TENM3: variants seen among roughly 807,000 people sequenced by gnomAD.
TENM3 encodes the protein teneurin transmembrane protein 3.
In TENM3, 63 loss-of-function variants were observed where a neutral mutation model predicts 255.1. The ratio of observed to expected loss-of-function variants is 0.25; its 90% CI spans 0.20 to 0.30. The LOEUF (loss-of-function observed/expected upper bound fraction) is 0.30, where lower values mean the gene tolerates loss of function less well. TENM3 is among the 10% of genes least tolerant of loss of function. The pLI is 1.00. For synonymous variants in TENM3, 1,306 were observed against 1,322.3 expected (o/e 0.99, Z 0.27); for missense variants, 2,929 against 3,461.1 (o/e 0.85, Z 3.86).
rs115684121 is a variant in TENM3, at chr4:182,792,127, G to A, written c.5602-147G>A. ...ATCCAAGCAAATTAGGCAGAGAAAC[G>A]TTAACAACACGCAAGGTCAAGGATA... On this transcript the variant is annotated intron_variant, in intron 25 of 27. Coordinates refer to ENST00000511685, the MANE Select transcript of TENM3 (RefSeq NM_001080477.4). The surrounding 1 kb of genome is among the most constrained non-coding windows in gnomAD (Gnocchi z 6.3). The A allele has an allele frequency of 4.2e-4, 334 of 789,082 alleles. 2 individuals carry two copies. The African/African-American group carries it at 5.2e-3, about 12-fold the overall frequency. The allele number at this position is 789,082 out of a possible 1,614,324, so 48.9% of individuals were successfully genotyped here.
At chr4:182,062,787 A>G in the TENM3 span, among the ~76,000 whole-genome samples, 1 of 152,242 alleles carries the variant, frequency 6.6e-6, no homozygotes, top group Non-Finnish European at 1.5e-5. Context: ...TAAACTAAGC[A>G]GAGGGTTTTG....
the TENM3 span, among the ~76,000 whole-genome samples, chr4:181,830,839 C>T: frequency 6.6e-6 from 1 of 151,990 alleles, no homozygotes; most frequent in Non-Finnish European, 1.5e-5. Context: ...GAGTGTAGGT[C>T]GCTCCTGTAA....
chr4:181,467,639 A>G, the TENM3 span, among the ~76,000 whole-genome samples: 1 of 152,158 alleles, frequency 6.6e-6, no homozygotes, highest in African/African-American at 2.4e-5. Flanking sequence ...GATGGCAGAG[A>G]AATGAGGAAA....
intron 1 of TENM3, among the ~76,000 whole-genome samples, chr4:182,302,247 T>G (rs1761895370): frequency 6.6e-6 from 1 of 152,202 alleles, no homozygotes; most frequent in Admixed American, 6.5e-5. Flanking sequence ...ATGTGTGTGA[T>G]GTAAGTACTC....
chr4:181,795,286 T>A, the TENM3 span, among the ~76,000 whole-genome samples: 3 of 151,814 alleles, frequency 2.0e-5, no homozygotes, highest in South Asian at 2.1e-4. Flanking sequence ...CATGGTTCTC[T>A]GTGAGGATCC....
intron 1 of TENM3, among the ~76,000 whole-genome samples, chr4:182,303,509 C>G (rs148891175): frequency 6.6e-6 from 1 of 152,254 alleles, no homozygotes; most frequent in East Asian, 1.9e-4. Context: ...TTCATTGTAT[C>G]CAATGCAACT....
chr4:182,733,440 G>GA (rs762184809), intron 16 of TENM3, among the ~76,000 whole-genome samples: 4 of 141,146 alleles, frequency 2.8e-5, no homozygotes, highest in Non-Finnish European at 6.4e-5. Flanking sequence ...GGCAAGGGTG[G>GA]AAACAAGGAG....
At chr4:181,746,436 G>A in the TENM3 span, among the ~76,000 whole-genome samples, 1 of 152,080 alleles carries the variant, frequency 6.6e-6, no homozygotes, top group Non-Finnish European at 1.5e-5. Context: ...CAGGCGAATG[G>A]CCTGGGGGGT....
chr4:182,039,530 A>G, the TENM3 span, among the ~76,000 whole-genome samples: 3 of 152,182 alleles, frequency 2.0e-5, no homozygotes, highest in African/African-American at 7.2e-5. Context: ...GCAGTAACCT[A>G]CTTCAGGTTC....
chr4:182,128,498 C>T, the TENM3 span, among the ~76,000 whole-genome samples: 7 of 152,054 alleles, frequency 4.6e-5, no homozygotes, highest in African/African-American at 9.7e-5. Context: ...CAGCCACCAG[C>T]GCCTGGCCTG....
the TENM3 span, among the ~76,000 whole-genome samples, chr4:181,859,356 T>C: frequency 6.6e-6 from 1 of 150,596 alleles, no homozygotes; most frequent in African/African-American, 2.4e-5. Flanking sequence ...CATTTAAAAA[T>C]AGTCCCTTTC....
the TENM3 span, among the ~76,000 whole-genome samples, chr4:181,877,410 ATT>A: frequency 6.6e-6 from 1 of 152,176 alleles, no homozygotes; most frequent in Non-Finnish European, 1.5e-5. Flanking sequence ...TTATAGCTAT[ATT>A]TTGTTTCATG....
chr4:182,428,034 G>A (rs1253823739), intron 3 of TENM3, among the ~76,000 whole-genome samples: 1 of 151,494 alleles, frequency 6.6e-6, no homozygotes, highest in Non-Finnish European at 1.5e-5. Flanking sequence ...AACAAAAAAT[G>A]CATCTAATGT....
chr4:182,130,531 G>T, the TENM3 span, among the ~76,000 whole-genome samples: 1 of 152,108 alleles, frequency 6.6e-6, no homozygotes, highest in East Asian at 1.9e-4. Flanking sequence ...GCCACTTTTG[G>T]AGGTGTCTAC....
At chr4:181,572,610 G>A in the TENM3 span, among the ~76,000 whole-genome samples, 616 of 151,926 alleles carry the variant, frequency 4.1e-3, 5 homozygotes, top group Non-Finnish European at 6.6e-3. Context: ...TATTTTGATG[G>A]AACAAAGTAT....
the TENM3 span, among the ~76,000 whole-genome samples, chr4:182,061,512 T>C: frequency 0.02 from 3,082 of 152,274 alleles, 96 homozygotes; most frequent in African/African-American, 0.069. Context: ...TTGTAATCCA[T>C]GATGAGGGTC....
upstream of TENM3, among the ~76,000 whole-genome samples, chr4:182,241,834 G>C (rs1253262733): frequency 6.6e-6 from 1 of 151,862 alleles, no homozygotes; most frequent in Non-Finnish European, 1.5e-5. Flanking sequence ...TTTCCAGACA[G>C]GTAAAATGCA....
At chr4:182,505,540 G>A (rs151295251) in intron 3 of TENM3, among the ~76,000 whole-genome samples, 5,982 of 151,870 alleles carry the variant, frequency 0.039, 227 homozygotes, top group East Asian at 0.11. Context: ...GTGCAATGGC[G>A]CAACCTCAGC....
Position 182,799,788 on chromosome 4 carries a change from G to T in TENM3, c.7537G>T (p.Val2513Leu). 1 of 1,601,152 alleles carries T rather than the reference G, an allele frequency of 6.2e-7. No homozygotes were observed. The highest frequency in any genetic ancestry group is 8.5e-7 in the Non-Finnish European group (1 of 1,174,390). Reference protein sequence around the residue: ...AVSQGRVQTNVLNIANEDCIK... With the variant: ...AVSQGRVQTNLLNIANEDCIK... ...CAGCCAGGGCCGCGTGCAGACCAAC[G>T]TGCTCAACATCGCCAACGAGGACTG... is the stretch of plus-strand genomic sequence containing the variant. Residue 2513 changes from valine (V) to leucine (L), a missense_variant, in exon 28 of 28, where the codon GTG becomes TTG. By Grantham distance (32) the Val-to-Leu change is conservative. Transcript: ENST00000511685. The surrounding 1 kb of genome is among the most constrained non-coding windows in gnomAD (Gnocchi z 4.2).
Sources: allele counts gnomAD v4.1 joint callset (sites outside exome capture counted in the v4.1 genomes callset), GRCh38; gene constraint gnomAD v4.1.1; non-coding constraint Gnocchi (gnomAD v3.1); transcripts MANE v1.5; gene names NCBI Gene and HGNC (gene_info 2026-07-23, HGNC 2026-07-21).